Variants in SLC22A4 observed in about 807,000 individuals in gnomAD.
The protein encoded by SLC22A4 is solute carrier family 22 member 4.
SLC22A4 carries 39 observed loss-of-function variants against 56.6 expected under a neutral mutation model. That is an observed-to-expected ratio of 0.69 (90% CI 0.53 to 0.90). SLC22A4 has a LOEUF of 0.90. Ranked by LOEUF, SLC22A4 falls within the 40% of genes least tolerant of loss-of-function variation. The probability of loss-of-function intolerance (pLI) is 0.00; values close to 1 mark genes in which losing one functional copy is unlikely to be tolerated. For synonymous variants in SLC22A4, 241 were observed against 281.4 expected (o/e 0.86, Z 1.44); for missense variants, 594 against 696.5 (o/e 0.85, Z 1.66).
intron 9 of SLC22A4, among the ~76,000 whole-genome samples, chr5:132,342,559 A>G (rs971640434): frequency 2.6e-5 from 4 of 152,190 alleles, no homozygotes; most frequent in African/African-American, 9.7e-5. Flanking sequence ...CAGTCCCACA[A>G]TACTGCCTTG....
chr5:132,297,627 C>T (rs1260910033), intron 1 of SLC22A4, among the ~76,000 whole-genome samples: 4 of 151,628 alleles, frequency 2.6e-5, no homozygotes, highest in Non-Finnish European at 5.9e-5. Context: ...AAATGAAAAT[C>T]ATAAGGAGGT....
At chr5:132,322,132 G>T in intron 3 of SLC22A4, 52 bp from the exon 4 acceptor site, 1 of 1,515,110 alleles carries the variant, frequency 6.6e-7, no homozygotes. Flanking sequence ...GATATAAAAA[G>T]CAAATATTAA....
rs1439791539 is a variant in SLC22A4 at position 132,322,226 on chromosome 5, C to T, written c.695C>T (p.Thr232Ile). Residue 232 changes from threonine (T) to isoleucine (I), a missense_variant, in exon 4 of 10, where the codon ACA (threonine) becomes ATA (isoleucine). Thr to Ile is a moderately conservative substitution (Grantham distance 89, BLOSUM62 -1). Transcript: ENST00000200652. ...LGKSVRIIFS[T>I]LGVCTFFAVG... ...AAGTCAGTTCGTATTATATTCTCTA[C>T]ATTAGGAGTGTGCACATTTTTTGCA... 6 of 1,613,688 alleles carry T rather than the reference C, an allele frequency of 3.7e-6. No homozygotes were observed. The African/African-American group carries it at 5.3e-5, about 14-fold the overall frequency.
intron 1 of SLC22A4, among the ~76,000 whole-genome samples, chr5:132,303,411 T>C (rs1749951104): frequency 6.6e-6 from 1 of 152,162 alleles, no homozygotes; most frequent in Non-Finnish European, 1.5e-5. Flanking sequence ...ATTTGAGTCA[T>C]AACTCCTTCA....
intron 1 of SLC22A4, among the ~76,000 whole-genome samples, chr5:132,299,532 C>A (rs76115868): frequency 6.6e-6 from 1 of 151,972 alleles, no homozygotes; most frequent in Non-Finnish European, 1.5e-5. Flanking sequence ...TTGGTTCAAG[C>A]GATTCTCCTG....
rs1751293671 is a variant in SLC22A4, at chr5:132,344,035, A to T, written c.*200A>T. ...TGCTTTACAAACCAACCATTTCTAGAGAGTCTCCTTACTCATTAATTCAAT... is the reference window on the plus strand; with the variant it reads ...TGCTTTACAAACCAACCATTTCTAGTGAGTCTCCTTACTCATTAATTCAAT... On this transcript the variant is annotated 3_prime_UTR_variant, in exon 10 of 10. Coordinates refer to ENST00000200652, the MANE Select transcript of SLC22A4 (RefSeq NM_003059.3). 1 of 566,010 alleles carries T rather than the reference A, an allele frequency of 1.8e-6. No individual in the cohort carries two copies. The highest frequency in any genetic ancestry group is 3.2e-6 in the Non-Finnish European group (1 of 316,658). 35.1% of individuals were successfully genotyped at this position (566,010 alleles called of 1,614,324 possible).
At chr5:132,320,758 C>T (rs186842722) in intron 3 of SLC22A4, 1 of 152,372 alleles carries the variant, frequency 6.6e-6, no homozygotes, top group East Asian at 1.9e-4. Context: ...CTGGAATTAG[C>T]TCTTAATCCC....
rs1174625023 is a variant in SLC22A4, at chr5:132,342,140, G to T, written c.1580+1440G>T. ...TGATTGTACATTTTTTAAATTATTGGCAAGGCAAAAAGAAACCACCCACAA... is the reference window on the plus strand; with the variant it reads ...TGATTGTACATTTTTTAAATTATTGTCAAGGCAAAAAGAAACCACCCACAA... On this transcript the variant is annotated intron_variant, in intron 9 of 9. Transcript: ENST00000200652. Among the ~76,000 whole-genome samples, 18 of 152,092 alleles carry T rather than the reference G, an allele frequency of 1.2e-4. 1 individual carries two copies. The highest frequency in any genetic ancestry group is 1.1e-3 in the Admixed American group (17 of 15,270).
chr5:132,327,171 C>T lies in SLC22A4; in HGVS notation c.825-106C>T, dbSNP rs1217170828. Reference sequence around the variant, plus strand: ...CTTATGTGGACTCCCTTTAAAAAGACAAACTAGAATTTTACAAAATTAAAA... The same window carrying T: ...CTTATGTGGACTCCCTTTAAAAAGATAAACTAGAATTTTACAAAATTAAAA... On this transcript the variant is annotated intron_variant, in intron 4 of 9. Coordinates refer to ENST00000200652, the MANE Select transcript of SLC22A4 (RefSeq NM_003059.3). 5 of 925,144 alleles carry T rather than the reference C, an allele frequency of 5.4e-6. No individual in the cohort carries two copies. In the East Asian group the frequency reaches 1.1e-4, roughly 20 times the overall value. 57.3% of individuals were successfully genotyped at this position (925,144 alleles called of 1,614,324 possible). A position where few individuals can be genotyped will look rare whatever the true frequency, so the allele number is the denominator to read the frequency against.
chr5:132,307,911 T>A (rs1162162300), intron 1 of SLC22A4, among the ~76,000 whole-genome samples: 1 of 152,178 alleles, frequency 6.6e-6, no homozygotes, highest in African/African-American at 2.4e-5. Context: ...GAGAGTTAGT[T>A]CAAGGCTGAG....
At chr5:132,331,931 G>C in intron 6 of SLC22A4, 81 bp downstream of exon 6, 7 of 901,502 alleles carry the variant, frequency 7.8e-6, no homozygotes, top group Non-Finnish European at 1.9e-6. Context: ...GGAACATTAT[G>C]ACAACGACTG....
chr5:132,332,730 G>GCACACA (rs3840351), intron 6 of SLC22A4, among the ~76,000 whole-genome samples: 5,903 of 145,654 alleles, frequency 0.041, 153 homozygotes, highest in African/African-American at 0.078. Flanking sequence ...TATGATGGCA[G>GCACACA]CACACACACA....
intron 3 of SLC22A4, among the ~76,000 whole-genome samples, chr5:132,315,924 G>C (rs1367275732): frequency 6.6e-6 from 1 of 152,214 alleles, no homozygotes; most frequent in Non-Finnish European, 1.5e-5. Context: ...GCTCTGGAAT[G>C]GCTGGACGCC....
At chr5:132,318,927 C>T (rs1038793595) in intron 3 of SLC22A4, among the ~76,000 whole-genome samples, 3 of 152,114 alleles carry the variant, frequency 2.0e-5, no homozygotes, top group Non-Finnish European at 4.4e-5. Flanking sequence ...TTCACTGCCA[C>T]ATGGAAAGCT....
intron 5 of SLC22A4, among the ~76,000 whole-genome samples, 190 bp downstream of exon 5, chr5:132,327,593 T>C (rs1001813048): frequency 5.3e-5 from 8 of 152,260 alleles, no homozygotes; most frequent in African/African-American, 2.4e-5. Flanking sequence ...TTAAATGCAA[T>C]AATATATGTA....
intron 1 of SLC22A4, among the ~76,000 whole-genome samples, chr5:132,307,572 G>T (rs913565126): frequency 3.3e-5 from 5 of 152,200 alleles, no homozygotes; most frequent in African/African-American, 1.2e-4. Flanking sequence ...CTACTAGTAT[G>T]AGCCTGGTAG....
Position 132,294,451 on chromosome 5 carries a change from G to A in SLC22A4, c.-166G>A. The stretch of plus-strand genomic sequence containing the variant: ...TCCCGGGAACGCTCCAACGCCTTCA[G>A]CCTGTTTCCCAGGAACGGTCCCCGG... On this transcript the variant is annotated 5_prime_UTR_variant, in exon 1 of 10. Coordinates refer to ENST00000200652, the MANE Select transcript of SLC22A4 (RefSeq NM_003059.3). The surrounding 1 kb of genome is among the most constrained non-coding windows in gnomAD (Gnocchi z 5.6). 2 of 915,064 alleles carry A rather than the reference G, an allele frequency of 2.2e-6. No homozygotes were observed. The highest frequency in any genetic ancestry group is 3.3e-6 in the Non-Finnish European group (2 of 598,120). The allele number at this position is 915,064 out of a possible 1,614,324, so 56.7% of individuals were successfully genotyped here. A position where few individuals can be genotyped will look rare whatever the true frequency, so the allele number is the denominator to read the frequency against.
In SLC22A4 at chr5:132,335,991, GTT is replaced by G. The variant is rs1294505222; in HGVS notation, c.1437_1438del (p.Tyr480ProfsTer15). 4 of 1,613,822 alleles carry G rather than the reference GTT, an allele frequency of 2.5e-6. No individual in the cohort carries two copies. The African/African-American group carries it at 5.3e-5, about 22-fold the overall frequency. The stretch of plus-strand genomic sequence containing the variant: ...GGGCAGCATCATTGCCCCCTACTTT[GTT>G]TACCTCGGTGAGCTGCATCTTGTGC... ...RVGSIIAPYF[V>X]YLGAYNRMLP... is the part of the protein sequence containing the mutation. On this transcript the variant is annotated frameshift_variant, in exon 8 of 10. Transcript: ENST00000200652. LOFTEE classifies it high-confidence loss of function.
intron 5 of SLC22A4, 94 bp downstream of exon 5, chr5:132,327,497 T>C: frequency 9.3e-7 from 1 of 1,073,816 alleles, no homozygotes; most frequent in Non-Finnish European, 1.4e-6. Flanking sequence ...GTGCCCACTA[T>C]GTACCAGGCA....
Sources: allele counts gnomAD v4.1 joint callset (sites outside exome capture counted in the v4.1 genomes callset), GRCh38; gene constraint gnomAD v4.1.1; non-coding constraint Gnocchi (gnomAD v3.1); transcripts MANE v1.5; gene names NCBI Gene and HGNC (gene_info 2026-07-23, HGNC 2026-07-21).